ZNRF1: variants seen among roughly 807,000 people sequenced by gnomAD.
ZNRF1 encodes E3 ubiquitin-protein ligase ZNRF1.
ZNRF1 carries 3 observed loss-of-function variants against 18.4 expected under a neutral mutation model. The ratio of observed to expected loss-of-function variants is 0.16; its 90% CI spans 0.07 to 0.42. The LOEUF (loss-of-function observed/expected upper bound fraction) is 0.42, where lower values mean the gene tolerates loss of function less well. Ranked by LOEUF, ZNRF1 falls within the 10% of genes least tolerant of loss-of-function variation. The pLI is 0.99. For missense variants in ZNRF1, 310 were observed against 329.8 expected, an observed-to-expected ratio of 0.94 and a Z score of 0.47; for synonymous variants, 157 against 144.2, an observed-to-expected ratio of 1.09 and a Z score of -0.64.
rs1230453918 is a variant in ZNRF1, at chr16:75,110,498, C to G, written c.*2798C>G. 1 of 152,196 alleles carries G rather than the reference C, an allele frequency of 6.6e-6. No homozygotes were observed. The highest frequency in any genetic ancestry group is 2.4e-5 in the African/African-American group (1 of 41,442). 9.4% of individuals were successfully genotyped at this position (152,196 alleles called of 1,614,324 possible). A position where few individuals can be genotyped will look rare whatever the true frequency, so the allele number is the denominator to read the frequency against. The stretch of plus-strand genomic sequence containing the variant: ...CAGTTCATGGGAAAATGTCCTCATT[C>G]TTAGGAGATAGATGCTGGATTATAT... On this transcript the variant is annotated 3_prime_UTR_variant, in exon 5 of 5. Transcript: ENST00000335325.
intron 3 of ZNRF1, chr16:75,105,150 C>A: frequency 2.5e-6 from 1 of 399,550 alleles, no homozygotes; most frequent in Non-Finnish European, 4.7e-6. Flanking sequence ...ATGGGGAGAC[C>A]CGTAGAGCCT....
chr16:75,083,243 G>A (rs1023412334), intron 1 of ZNRF1, among the ~76,000 whole-genome samples: 1 of 152,334 alleles, frequency 6.6e-6, no homozygotes, highest in South Asian at 2.1e-4. Flanking sequence ...GGATGCAGCC[G>A]ATAAAATGGT....
chr16:75,051,612 G>A (rs1333635643), intron 1 of ZNRF1, among the ~76,000 whole-genome samples: 1 of 151,874 alleles, frequency 6.6e-6, no homozygotes, highest in East Asian at 1.9e-4. Context: ...CTACCTCCCG[G>A]GTTCAAGCGA....
chr16:75,001,802 G>GCTA (rs964032550), intron 1 of ZNRF1, among the ~76,000 whole-genome samples: 75 of 152,208 alleles, frequency 4.9e-4, no homozygotes, highest in African/African-American at 1.8e-3. Flanking sequence ...TATTTATTAT[G>GCTA]CTACTACCAG....
intron 1 of ZNRF1, among the ~76,000 whole-genome samples, chr16:75,039,748 G>C (rs1031857539): frequency 6.6e-6 from 1 of 152,204 alleles, no homozygotes; most frequent in African/African-American, 2.4e-5. Flanking sequence ...GGTGTTCCAG[G>C]TGATTCTTAC....
chr16:75,074,252 T>G (rs1169324489), intron 1 of ZNRF1, among the ~76,000 whole-genome samples: 2 of 152,170 alleles, frequency 1.3e-5, no homozygotes, highest in African/African-American at 4.8e-5. Flanking sequence ...CAGGCCGGCA[T>G]AAGTGGCTTC....
At chr16:75,015,769 T>G (rs559095587) in intron 1 of ZNRF1, among the ~76,000 whole-genome samples, 44 of 152,146 alleles carry the variant, frequency 2.9e-4, no homozygotes, top group African/African-American at 9.6e-4. Context: ...ACTGGGATAA[T>G]AGACGTGAGC....
chr16:75,050,085 G>A (rs2035573304), intron 1 of ZNRF1, among the ~76,000 whole-genome samples: 1 of 152,066 alleles, frequency 6.6e-6, no homozygotes, highest in African/African-American at 2.4e-5. Context: ...GGAATCATAG[G>A]GCATGTAATC....
chr16:75,067,679 A>G, intron 1 of ZNRF1, among the ~76,000 whole-genome samples: 1 of 152,212 alleles, frequency 6.6e-6, no homozygotes, highest in Non-Finnish European at 1.5e-5. Flanking sequence ...TTAATATACG[A>G]TAAAGGGGCA....
At chr16:75,077,213 A>G (rs1055280810) in intron 1 of ZNRF1, among the ~76,000 whole-genome samples, 1 of 152,190 alleles carries the variant, frequency 6.6e-6, no homozygotes, top group Non-Finnish European at 1.5e-5. Context: ...CAACATGGTG[A>G]AACCCCATCT....
Position 75,108,252 on chromosome 16 carries a change from T to A in ZNRF1, c.*552T>A, listed in dbSNP as rs1220882274. The A allele has an allele frequency of 4.2e-6, 1 of 235,390 alleles. No individual in the cohort carries two copies. Among genetic ancestry groups the A allele is most frequent in the Non-Finnish European group, 8.2e-6 (1 of 122,452 alleles). The allele number at this position is 235,390 out of a possible 1,614,324, so 14.6% of individuals were successfully genotyped here. On this transcript the variant is annotated 3_prime_UTR_variant, in exon 5 of 5. Transcript: ENST00000335325. ...TTTTCCCTCTATTTTTCTGGCTGGT[T>A]TTTTGCTCTTTTCTCCCCTTGAGAC...
At chr16:75,059,497 A>T (rs1047393760) in intron 1 of ZNRF1, among the ~76,000 whole-genome samples, 2 of 151,950 alleles carry the variant, frequency 1.3e-5, no homozygotes, top group African/African-American at 4.8e-5. Context: ...CAGCATAATG[A>T]ATTCAGATAA....
chr16:75,016,834 C>A (rs796453113), intron 1 of ZNRF1, among the ~76,000 whole-genome samples: 1 of 47,034 alleles, frequency 2.1e-5, no homozygotes, highest in Non-Finnish European at 1.1e-4. Flanking sequence ...CGTGAGCCAC[C>A]GCGGCCGGCC....
chr16:75,032,557 CAAAG>C (rs1441373559), intron 1 of ZNRF1, among the ~76,000 whole-genome samples: 3 of 151,734 alleles, frequency 2.0e-5, no homozygotes, highest in African/African-American at 7.3e-5. Flanking sequence ...AACAACAACA[CAAAG>C]AAAATTAAAG....
rs1037372506 is a variant in ZNRF1, at chr16:75,108,438, C to T, written c.*738C>T. 1.5e-5 allele frequency: 6 copies of T among 394,188 alleles called. No individual in the cohort carries two copies. The highest frequency in any genetic ancestry group is 2.8e-4 in the South Asian group (2 of 7,138). The allele number at this position is 394,188 out of a possible 1,614,324, so 24.4% of individuals were successfully genotyped here. ...TGCCTGAACATTATTCTTAGGCCCTCGTGGATTTTTTTTTTCAGAAAACTT... is the reference window on the plus strand; with the variant it reads ...TGCCTGAACATTATTCTTAGGCCCTTGTGGATTTTTTTTTTCAGAAAACTT... On this transcript the variant is annotated 3_prime_UTR_variant, in exon 5 of 5. Transcript: ENST00000335325.
chr16:75,004,163 C>A (rs115780894), intron 1 of ZNRF1, among the ~76,000 whole-genome samples: 1 of 152,134 alleles, frequency 6.6e-6, no homozygotes, highest in African/African-American at 2.4e-5. Context: ...GAGAGGTTTA[C>A]AGCTGTGCTA....
At chr16:75,040,044 T>C (rs1375668509) in intron 1 of ZNRF1, among the ~76,000 whole-genome samples, 27 of 4,748 alleles carry the variant, frequency 5.7e-3, no homozygotes, top group African/African-American at 6.6e-3. Flanking sequence ...TTTTCTTTCT[T>C]TTTTTTTTTT....
At chr16:75,066,441 T>C (rs2035805493) in intron 1 of ZNRF1, among the ~76,000 whole-genome samples, 2 of 152,216 alleles carry the variant, frequency 1.3e-5, no homozygotes, top group Non-Finnish European at 2.9e-5. Context: ...AATAAAATAT[T>C]GATGAAGGGA....
intron 1 of ZNRF1, among the ~76,000 whole-genome samples, chr16:75,005,961 T>G (rs938540480): frequency 6.6e-6 from 1 of 152,188 alleles, no homozygotes; most frequent in Non-Finnish European, 1.5e-5. Flanking sequence ...ATGTTGCTCC[T>G]AGTGCTCCTA....
Sources: gnomAD v4.1 joint callset for allele counts (sites outside exome capture counted in the v4.1 genomes callset) on GRCh38, gnomAD v4.1.1 for gene constraint, MANE v1.5 for transcripts, NCBI Gene and HGNC (gene_info 2026-07-23, HGNC 2026-07-21) for gene names.